Variants in MACROD2 observed in about 807,000 individuals in gnomAD.
MACROD2 encodes ADP-ribose glycohydrolase MACROD2.
MACROD2 carries 36 observed loss-of-function variants against 70.4 expected under a neutral mutation model. The observed-to-expected ratio is 0.51, with a 90% CI of 0.39 to 0.68. The LOEUF is 0.68. Among genes scored for constraint, MACROD2 ranks in the 30% least tolerant of loss-of-function variants. The pLI, the probability that MACROD2 is intolerant of heterozygous loss-of-function variation, is 0.00. For missense variants in MACROD2, 496 were observed against 538.4 expected (o/e 0.92, Z 0.78); for synonymous variants, 172 against 178.8 (o/e 0.96, Z 0.30).
chr20:14,882,017 A>T (rs2122469892), intron 5 of MACROD2, among the ~76,000 whole-genome samples: 1 of 152,332 alleles, frequency 6.6e-6, no homozygotes, highest in South Asian at 2.1e-4. Context: ...CTGTTTATAA[A>T]AGAGGAAATT....
At chr20:15,277,112 T>A (rs1290853619) in intron 6 of MACROD2, among the ~76,000 whole-genome samples, 2 of 152,180 alleles carry the variant, frequency 1.3e-5, no homozygotes. Flanking sequence ...TCCCTGCCAT[T>A]TTCAACCAGT....
chr20:14,359,929 A>G (rs1252915613), intron 3 of MACROD2, among the ~76,000 whole-genome samples: 3 of 152,190 alleles, frequency 2.0e-5, no homozygotes, highest in Non-Finnish European at 2.9e-5. Context: ...TTGAAAAAAA[A>G]ATGAACATAC....
intron 8 of MACROD2, among the ~76,000 whole-genome samples, chr20:15,734,435 G>T (rs951165779): frequency 6.6e-5 from 10 of 152,144 alleles, no homozygotes; most frequent in Admixed American, 1.3e-4. Flanking sequence ...CAAGACATTG[G>T]TACAAGCCAG....
intron 6 of MACROD2, among the ~76,000 whole-genome samples, chr20:15,372,150 T>C (rs1486620835): frequency 6.6e-6 from 1 of 152,066 alleles, no homozygotes; most frequent in Non-Finnish European, 1.5e-5. Flanking sequence ...ACTAAAGTAC[T>C]TTCCACTCAC....
intron 3 of MACROD2, among the ~76,000 whole-genome samples, chr20:14,419,234 A>G (rs1035014030): frequency 6.6e-6 from 1 of 152,042 alleles, no homozygotes; most frequent in Admixed American, 6.6e-5. Flanking sequence ...TTGTATTTTT[A>G]GTAGAGAAGG....
At chr20:14,896,250 G>A (rs1030780988) in intron 5 of MACROD2, among the ~76,000 whole-genome samples, 1 of 152,106 alleles carries the variant, frequency 6.6e-6, no homozygotes, top group Admixed American at 6.5e-5. Context: ...AGCAGAGATT[G>A]CACCACTGCA....
intron 5 of MACROD2, among the ~76,000 whole-genome samples, chr20:14,978,375 GC>G (rs5840643): frequency 0.85 from 118,599 of 138,798 alleles, 50,350 homozygotes; most frequent in Non-Finnish European, 0.89. Context: ...TCCGCGCCCC[GC>G]CCCCCCCACT....
At chr20:14,673,786 G>T (rs1318864239) in intron 4 of MACROD2, among the ~76,000 whole-genome samples, 1 of 151,860 alleles carries the variant, frequency 6.6e-6, no homozygotes, top group African/African-American at 2.4e-5. Context: ...TGGGTGTGGT[G>T]GTGGGCGCCT....
At chr20:14,747,255 C>T (rs954131659) in intron 5 of MACROD2, among the ~76,000 whole-genome samples, 22 of 152,154 alleles carry the variant, frequency 1.4e-4, no homozygotes, top group Admixed American at 3.3e-4. Flanking sequence ...ACAGCCCAGC[C>T]ATAAACCATC....
chr20:14,201,781 A>G (rs1282328972), intron 3 of MACROD2, among the ~76,000 whole-genome samples: 3 of 151,586 alleles, frequency 2.0e-5, no homozygotes, highest in Non-Finnish European at 4.4e-5. Context: ...GGAGGTTGCA[A>G]TGAGCTGAGA....
At chr20:15,798,377 T>C (rs1297195437) in intron 8 of MACROD2, among the ~76,000 whole-genome samples, 2 of 152,172 alleles carry the variant, frequency 1.3e-5, no homozygotes, top group African/African-American at 4.8e-5. Context: ...GCCCTGACTC[T>C]GGATCAGAAC....
At chr20:15,402,316 A>G (rs1005157425) in intron 6 of MACROD2, among the ~76,000 whole-genome samples, 1 of 152,210 alleles carries the variant, frequency 6.6e-6, no homozygotes, top group African/African-American at 2.4e-5. Context: ...TGTATATCCT[A>G]TTTCATAACT....
chr20:14,249,809 G>A (rs961520534), intron 3 of MACROD2, among the ~76,000 whole-genome samples: 2 of 151,968 alleles, frequency 1.3e-5, no homozygotes, highest in Admixed American at 6.6e-5. Flanking sequence ...AATATACTAC[G>A]ACAGAAAATA....
chr20:14,809,621 T>G (rs75266475), intron 5 of MACROD2, among the ~76,000 whole-genome samples: 1 of 151,440 alleles, frequency 6.6e-6, no homozygotes, highest in African/African-American at 2.4e-5. Flanking sequence ...ACAAAAAAAC[T>G]CTTCAAAAAA....
chr20:15,835,019 A>G (rs993637003), intron 8 of MACROD2, among the ~76,000 whole-genome samples: 5 of 152,310 alleles, frequency 3.3e-5, no homozygotes, highest in East Asian at 1.9e-4. Context: ...GAGGAAGCCA[A>G]CCTTCATGCC....
At chr20:16,013,901 G>C (rs2066896826) in intron 15 of MACROD2, among the ~76,000 whole-genome samples, 1 of 152,220 alleles carries the variant, frequency 6.6e-6, no homozygotes, top group African/African-American at 2.4e-5. Context: ...TGTTGAGATA[G>C]GCCCTGTGTA....
At chr20:14,199,047 C>T (rs943273776) in intron 3 of MACROD2, among the ~76,000 whole-genome samples, 15 of 151,882 alleles carry the variant, frequency 9.9e-5, no homozygotes, top group Admixed American at 9.8e-4. Context: ...TTCCTTTCCC[C>T]CTCACTACTC....
intron 10 of MACROD2, among the ~76,000 whole-genome samples, chr20:15,919,616 T>A (rs955841042): frequency 6.6e-6 from 1 of 152,076 alleles, no homozygotes; most frequent in African/African-American, 2.4e-5. Context: ...GTGCCTGTAA[T>A]CCCAGCTACT....
At chr20:14,943,422 G>A (rs549107675) in intron 5 of MACROD2, among the ~76,000 whole-genome samples, 1 of 151,806 alleles carries the variant, frequency 6.6e-6, no homozygotes, top group Admixed American at 6.6e-5. Context: ...GAAAAAGCAA[G>A]GCTTTTTAAT....
Sources: allele counts gnomAD v4.1 joint callset (sites outside exome capture counted in the v4.1 genomes callset), GRCh38; gene constraint gnomAD v4.1.1; transcripts MANE v1.5; gene names NCBI Gene and HGNC (gene_info 2026-07-23, HGNC 2026-07-21).